The following DPP6 variants were observed in gnomAD, a reference collection of about 807,000 sequenced individuals.
The protein encoded by DPP6 is dipeptidyl peptidase like 6.
DPP6 carries 69 observed loss-of-function variants against 122.6 expected under a neutral mutation model. That is an observed-to-expected ratio of 0.56 (90% CI 0.46 to 0.69). DPP6 has a LOEUF of 0.69. DPP6 is among the 30% of genes least tolerant of loss of function. The pLI is 0.00. For missense variants in DPP6, 928 were observed against 1,116.9 expected (o/e 0.83, Z 2.41); for synonymous variants, 418 against 433.1 (o/e 0.97, Z 0.43).
intron 3 of DPP6, among the ~76,000 whole-genome samples, chr7:154,523,679 G>A (rs78037694): frequency 0.028 from 4,261 of 152,086 alleles, 95 homozygotes; most frequent in East Asian, 0.087. Flanking sequence ...TGTGATATAT[G>A]CTATTTCACA....
chr7:154,614,134 C>T (rs1291591524), intron 5 of DPP6, among the ~76,000 whole-genome samples: 1 of 152,214 alleles, frequency 6.6e-6, no homozygotes, highest in East Asian at 1.9e-4. Flanking sequence ...TCTCCCTTCC[C>T]AATCCAGCAC....
At chr7:154,151,688 G>A (rs1173002448) in intron 1 of DPP6, among the ~76,000 whole-genome samples, 1 of 151,900 alleles carries the variant, frequency 6.6e-6, no homozygotes, top group Non-Finnish European at 1.5e-5. Context: ...CTTCCAGATG[G>A]CATTCGACTG....
At chr7:153,957,181 C>T (rs1176649690) in intron 1 of DPP6, among the ~76,000 whole-genome samples, 1 of 152,114 alleles carries the variant, frequency 6.6e-6, no homozygotes, top group Non-Finnish European at 1.5e-5. Flanking sequence ...GGGAGAAAAA[C>T]AGTAAATGGC....
intron 1 of DPP6, among the ~76,000 whole-genome samples, chr7:154,165,827 G>T (rs1284518039): frequency 6.6e-6 from 1 of 152,160 alleles, no homozygotes; most frequent in Non-Finnish European, 1.5e-5. Flanking sequence ...ATCTGTTCAT[G>T]TCCTTTGCCT....
intron 1 of DPP6, among the ~76,000 whole-genome samples, chr7:154,401,756 T>C (rs989279179): frequency 6.6e-6 from 1 of 152,136 alleles, no homozygotes; most frequent in Non-Finnish European, 1.5e-5. Context: ...TGGGATCTAA[T>C]TAAACTAAAG....
At chr7:154,653,634 A>G (rs923334887) in intron 6 of DPP6, among the ~76,000 whole-genome samples, 4 of 152,204 alleles carry the variant, frequency 2.6e-5, no homozygotes, top group Admixed American at 2.6e-4. Flanking sequence ...TGGTTGAGAG[A>G]TGATTGATAG....
intron 1 of DPP6, among the ~76,000 whole-genome samples, chr7:154,348,341 T>C (rs1810569023): frequency 6.6e-6 from 1 of 152,240 alleles, no homozygotes; most frequent in Admixed American, 6.5e-5. Context: ...TGGACTAAAA[T>C]ATGATTTTTA....
intron 6 of DPP6, among the ~76,000 whole-genome samples, chr7:154,652,998 C>T (rs1363012247): frequency 6.6e-6 from 1 of 152,154 alleles, no homozygotes; most frequent in Non-Finnish European, 1.5e-5. Flanking sequence ...TCTCTTTGTC[C>T]TTCATAAACT....
chr7:154,591,020 G>A (rs1347022898), intron 5 of DPP6, among the ~76,000 whole-genome samples: 2 of 152,188 alleles, frequency 1.3e-5, no homozygotes, highest in Admixed American at 6.5e-5. Context: ...ACAGTAGTGA[G>A]GGAAGCAAGC....
chr7:154,090,491 G>A (rs2533638), intron 1 of DPP6, among the ~76,000 whole-genome samples: 11 of 152,128 alleles, frequency 7.2e-5, no homozygotes, highest in South Asian at 2.1e-4. Flanking sequence ...ATTCCCATCC[G>A]TAACAGGAAG....
At chr7:154,376,218 G>T (rs1449602086) in intron 1 of DPP6, among the ~76,000 whole-genome samples, 1 of 152,202 alleles carries the variant, frequency 6.6e-6, no homozygotes, top group Non-Finnish European at 1.5e-5. Context: ...CTGAGCAGAT[G>T]GTGGTCATTA....
At chr7:154,637,894 CTTTT>C (rs755906392) in intron 6 of DPP6, 21 bp downstream of exon 6, 1 of 1,558,198 alleles carries the variant, frequency 6.4e-7, no homozygotes, top group African/African-American at 1.4e-5. Context: ...TCTTTTCTTT[CTTTT>C]AATTAGAAAT....
chr7:154,473,810 G>C (rs1160736248), intron 2 of DPP6, among the ~76,000 whole-genome samples: 3 of 152,046 alleles, frequency 2.0e-5, no homozygotes, highest in Non-Finnish European at 4.4e-5. Flanking sequence ...ACCAGACATT[G>C]AAATACAAAA....
At chr7:154,575,425 T>G (rs1302177522) in intron 5 of DPP6, among the ~76,000 whole-genome samples, 172 of 38,910 alleles carry the variant, frequency 4.4e-3, no homozygotes, top group Admixed American at 0.011. Context: ...TATGTGTGTG[T>G]GGTGTGTATG....
At chr7:154,097,884 T>C (rs1805444990) in intron 1 of DPP6, among the ~76,000 whole-genome samples, 1 of 152,182 alleles carries the variant, frequency 6.6e-6, no homozygotes, top group South Asian at 2.1e-4. Flanking sequence ...AACAAGTGAC[T>C]GAGGGAGTGG....
the DPP6 span, among the ~76,000 whole-genome samples, chr7:153,855,561 A>G: frequency 6.6e-6 from 1 of 152,164 alleles, no homozygotes; most frequent in South Asian, 2.1e-4. Context: ...TCTTTTTCAC[A>G]TGTGGTCATG....
At chr7:154,135,812 G>A (rs2150646665) in intron 1 of DPP6, among the ~76,000 whole-genome samples, 1 of 148,726 alleles carries the variant, frequency 6.7e-6, no homozygotes, top group Non-Finnish European at 1.5e-5. Context: ...GTGAGCCCAT[G>A]CTTCCTCTCT....
At chr7:154,612,950 T>C (rs1309662324) in intron 5 of DPP6, among the ~76,000 whole-genome samples, 1 of 152,210 alleles carries the variant, frequency 6.6e-6, no homozygotes, top group Non-Finnish European at 1.5e-5. Context: ...AAGTTTAAGA[T>C]CTGGGTGCTG....
At chr7:153,772,326 T>C in the DPP6 span, among the ~76,000 whole-genome samples, 2 of 152,164 alleles carry the variant, frequency 1.3e-5, no homozygotes, top group African/African-American at 4.8e-5. Context: ...TCAGGTCATC[T>C]GCCTGCCTTG....
Sources: allele counts gnomAD v4.1 joint callset (sites outside exome capture counted in the v4.1 genomes callset), GRCh38; gene constraint gnomAD v4.1.1; transcripts MANE v1.5; gene names NCBI Gene and HGNC (gene_info 2026-07-23, HGNC 2026-07-21).